UTRN: variants seen among roughly 807,000 people sequenced by gnomAD.
UTRN encodes utrophin, also known as dystrophin-related protein 1.
In UTRN, 283 loss-of-function variants were observed where a neutral mutation model predicts 463.9. That is an observed-to-expected ratio of 0.61 (90% CI 0.55 to 0.67). The LOEUF is 0.67. UTRN is among the 30% of genes least tolerant of loss of function. The pLI, the probability that UTRN is intolerant of heterozygous loss-of-function variation, is 0.00. For missense variants in UTRN, 3,922 were observed against 4,084.3 expected, an observed-to-expected ratio of 0.96 and a Z score of 1.08; for synonymous variants, 1,442 against 1,431.5, an observed-to-expected ratio of 1.01 and a Z score of -0.17.
chr6:144,626,014 A>G (rs1003164225), intron 51 of UTRN, among the ~76,000 whole-genome samples: 4 of 152,218 alleles, frequency 2.6e-5, no homozygotes, highest in African/African-American at 7.2e-5. Context: ...CAATATTTCT[A>G]TAGCTGTATC....
At chr6:144,454,373 A>C (rs1172665768) in intron 19 of UTRN, among the ~76,000 whole-genome samples, 1 of 152,104 alleles carries the variant, frequency 6.6e-6, no homozygotes, top group Admixed American at 6.6e-5. Context: ...AATGCTCCCA[A>C]GACTTTTTTT....
intron 53 of UTRN, 140 bp downstream of exon 53, chr6:144,700,383 A>G (rs1324338008): frequency 3.0e-6 from 3 of 1,000,522 alleles, no homozygotes; most frequent in Non-Finnish European, 1.4e-6. Flanking sequence ...TTTAGTTGCC[A>G]GTAGACATTT....
chr6:144,320,209 A>G (rs1294586773), intron 2 of UTRN, among the ~76,000 whole-genome samples: 4 of 152,196 alleles, frequency 2.6e-5, no homozygotes, highest in African/African-American at 7.2e-5. Context: ...TAATTATTCT[A>G]TTGTGTCTTA....
chr6:144,622,120 T>G (rs1775446712), intron 51 of UTRN, among the ~76,000 whole-genome samples: 1 of 151,760 alleles, frequency 6.6e-6, no homozygotes, highest in East Asian at 1.9e-4. Flanking sequence ...AATATTACTC[T>G]TCTCAAATAT....
Position 144,325,470 on chromosome 6 carries a change from C to G in UTRN, c.79+33563C>G, listed in dbSNP as rs118004206. Among the ~76,000 whole-genome samples, 188 of 152,286 alleles carry G rather than the reference C, an allele frequency of 1.2e-3. 1 individual carries two copies. The East Asian group carries it at 0.03, about 24-fold the overall frequency. ...GCCAGTGCCATGCTTTTGGACTTCC[C>G]ATCCTCCAGATCCTTGAGCCAAATA... On this transcript the variant is annotated intron_variant, in intron 2 of 74. Transcript: ENST00000367545.
At chr6:144,595,806 G>A (rs1385095430) in intron 51 of UTRN, among the ~76,000 whole-genome samples, 1 of 152,178 alleles carries the variant, frequency 6.6e-6, no homozygotes, top group Non-Finnish European at 1.5e-5. Context: ...AATCTCAAGT[G>A]GCTTTGCATA....
rs1345457358 is a variant in UTRN at position 144,285,747 on chromosome 6, ACTC to A, written c.-164_-162del. ...CACCCCCGCGGTTACTCCGTGTCAA[ACTC>A]CTAGAGGAGCCCTTGGCCAGCTCGG... On this transcript the variant is annotated 5_prime_UTR_variant, in exon 1 of 75. Coordinates refer to ENST00000367545, the MANE Select transcript of UTRN (RefSeq NM_007124.3). 2.6e-5 allele frequency: 4 copies of A among 151,568 alleles called. No individual in the cohort carries two copies. The highest frequency in any genetic ancestry group is 5.9e-5 in the Non-Finnish European group (4 of 67,932). 9.4% of individuals were successfully genotyped at this position (151,568 alleles called of 1,614,324 possible). A position where few individuals can be genotyped will look rare whatever the true frequency, so the allele number is the denominator to read the frequency against.
At position 144,347,850 on chromosome 6, in the gene UTRN, G is replaced by GTTTTTTTTTTTT. The variant is rs1340536493; in HGVS notation, c.80-55262_80-55261insTTTTTTTTTTTT. Among the ~76,000 whole-genome samples, 35 of 128,588 alleles carry GTTTTTTTTTTTT rather than the reference G, an allele frequency of 2.7e-4. 1 individual carries two copies. Among genetic ancestry groups the GTTTTTTTTTTTT allele is most frequent in the African/African-American group, 1.0e-3 (31 of 29,740 alleles). 84.4% of individuals were successfully genotyped at this position (128,588 alleles called of 152,430 possible). A position where few individuals can be genotyped will look rare whatever the true frequency, so the allele number is the denominator to read the frequency against. Reference sequence around the variant, plus strand: ...GGCTTATTCTTTGTTTTTTTTTTTTGTTTTTTTTTTTGAGACTAAGTCTCG... The same window carrying GTTTTTTTTTTTT: ...GGCTTATTCTTTGTTTTTTTTTTTTGTTTTTTTTTTTTTTTTTTTTTTTGAGACTAAGTCTCG... On this transcript the variant is annotated intron_variant, in intron 2 of 74. Transcript: ENST00000367545.
At chr6:144,633,531 C>G (rs1352205887) in intron 51 of UTRN, among the ~76,000 whole-genome samples, 2 of 152,262 alleles carry the variant, frequency 1.3e-5, no homozygotes, top group African/African-American at 2.4e-5. Context: ...CGCGCCCGGC[C>G]TGCTTCTCCA....
At position 144,286,371 on chromosome 6, in the gene UTRN, G is replaced by A. The variant is rs1803660261; in HGVS notation, c.-93+550G>A. 6.6e-6 allele frequency among the ~76,000 whole-genome samples: 1 copy of A among 152,168 alleles called. No homozygotes were observed. The highest frequency in any genetic ancestry group is 1.5e-5 in the Non-Finnish European group (1 of 68,024). ...CGCTTCCCAGCCAGCCGCCCGGCGG[G>A]GAACGTGCTTGACCTCTGGGTGGTT... On this transcript the variant is annotated intron_variant, in intron 1 of 74. Coordinates refer to ENST00000367545, the MANE Select transcript of UTRN (RefSeq NM_007124.3). This position sits in a 1 kb window ranked among gnomAD's most constrained non-coding sequence, Gnocchi z 4.4.
intron 52 of UTRN, among the ~76,000 whole-genome samples, chr6:144,679,084 ATGT>A (rs1781950868): frequency 6.6e-6 from 1 of 152,120 alleles, no homozygotes; most frequent in Admixed American, 6.6e-5. Context: ...TTGCTTAATC[ATGT>A]TGTTTTTTAT....
intron 2 of UTRN, among the ~76,000 whole-genome samples, chr6:144,389,874 C>T (rs1189757142): frequency 2.0e-5 from 3 of 152,208 alleles, no homozygotes; most frequent in Non-Finnish European, 4.4e-5. Flanking sequence ...GCTGGGATTA[C>T]AGGTGTGAGC....
chr6:144,436,104 T>C lies in UTRN; in HGVS notation c.1025T>C (p.Val342Ala), dbSNP rs1199136728. 1.2e-6 allele frequency: 2 copies of C among 1,614,190 alleles called. No individual in the cohort carries two copies. The highest frequency in any genetic ancestry group is 2.2e-5 in the East Asian group (1 of 44,890). ...FQEQDDISDD[V>A]EEVKDQFATH... ...GAGCAGGATGATATTTCTGATGATG[T>C]TGAAGAAGTCAAAGACCAGTTTGCA... The change falls in exon 10 of 75, where the codon GTT (valine) becomes GCT (alanine). Residue 342 changes from valine (V) to alanine (A), a missense_variant. Coordinates refer to ENST00000367545, the MANE Select transcript of UTRN (RefSeq NM_007124.3).
At chr6:144,842,161 T>G (rs1365614259) in intron 73 of UTRN, among the ~76,000 whole-genome samples, 2 of 147,880 alleles carry the variant, frequency 1.4e-5, no homozygotes, top group Admixed American at 1.4e-4. Flanking sequence ...AAAAAGAGAT[T>G]ATCAATTATC....
At chr6:144,459,082 A>G in intron 20 of UTRN, 71 bp downstream of exon 20, 5 of 1,563,780 alleles carry the variant, frequency 3.2e-6, no homozygotes, top group Non-Finnish European at 4.3e-6. Flanking sequence ...GGCTTCTCGT[A>G]TCATGAACTT....
intron 52 of UTRN, among the ~76,000 whole-genome samples, chr6:144,685,387 A>G (rs1442927133): frequency 6.6e-6 from 1 of 152,198 alleles, no homozygotes; most frequent in Non-Finnish European, 1.5e-5. Context: ...TCCTTTTGGT[A>G]GATACCTAGC....
intron 61 of UTRN, among the ~76,000 whole-genome samples, chr6:144,788,142 A>C (rs1177794855): frequency 1.3e-5 from 2 of 152,178 alleles, no homozygotes; most frequent in African/African-American, 4.8e-5. Flanking sequence ...GAAATGATCT[A>C]TCCTTAGCAT....
At chr6:144,779,891 T>A (rs1217890768) in intron 60 of UTRN, among the ~76,000 whole-genome samples, 1 of 152,148 alleles carries the variant, frequency 6.6e-6, no homozygotes, top group African/African-American at 2.4e-5. Flanking sequence ...ACATTTGGCA[T>A]CTGAAGGAAA....
At chr6:144,731,221 T>C (rs1372212071) in intron 54 of UTRN, among the ~76,000 whole-genome samples, 1 of 152,134 alleles carries the variant, frequency 6.6e-6, no homozygotes, top group Admixed American at 6.5e-5. Flanking sequence ...CTGTAACATT[T>C]ATATACTTTA....
Sources: gnomAD v4.1 joint callset for allele counts (sites outside exome capture counted in the v4.1 genomes callset) on GRCh38, gnomAD v4.1.1 for gene constraint, Gnocchi (gnomAD v3.1) non-coding constraint, MANE v1.5 for transcripts, NCBI Gene and HGNC (gene_info 2026-07-23, HGNC 2026-07-21) for gene names.